The following TERF1 variants were observed in gnomAD, a reference collection of about 807,000 sequenced individuals.
The protein encoded by TERF1 is telomeric repeat-binding factor 1.
A neutral mutation model predicts 55.1 loss-of-function variants in TERF1; 20 were observed. The observed-to-expected ratio is 0.36, with a 90% CI of 0.26 to 0.53. The LOEUF (loss-of-function observed/expected upper bound fraction) is 0.53. TERF1 is among the 20% of genes least tolerant of loss of function. TERF1 has a pLI of 0.91. For synonymous variants in TERF1, 168 were observed against 181.2 expected (o/e 0.93, Z 0.59); for missense variants, 439 against 535.7 (o/e 0.82, Z 1.78).
intron 5 of TERF1, among the ~76,000 whole-genome samples, chr8:73,025,185 T>C (rs774042785): frequency 6.6e-6 from 1 of 151,892 alleles, no homozygotes; most frequent in African/African-American, 2.4e-5. Flanking sequence ...TTTGGGGAAA[T>C]TTTCAAAAGA....
chr8:73,013,845 C>G, intron 1 of TERF1, 50 bp from the exon 2 acceptor site: 1 of 1,200,148 alleles, frequency 8.3e-7, no homozygotes, highest in East Asian at 2.4e-5. Flanking sequence ...CACAGTGGCA[C>G]TACTGGATCA....
At chr8:73,037,302 A>G (rs887540265) in intron 8 of TERF1, among the ~76,000 whole-genome samples, 2 of 134,966 alleles carry the variant, frequency 1.5e-5, no homozygotes, top group African/African-American at 5.4e-5. Flanking sequence ...TATCTTATCT[A>G]CCTATCTACT....
intron 8 of TERF1, among the ~76,000 whole-genome samples, chr8:73,035,179 T>C (rs1809461453): frequency 6.6e-6 from 1 of 152,184 alleles, no homozygotes; most frequent in African/African-American, 2.4e-5. Context: ...TAATCAACTT[T>C]AGTCTGTTGA....
At chr8:73,030,573 C>G (rs1486006734) in intron 7 of TERF1, 178 bp downstream of exon 7, 1 of 434,850 alleles carries the variant, frequency 2.3e-6, no homozygotes, top group Non-Finnish European at 4.1e-6. Context: ...CTGTAGAGAC[C>G]TGCTCTGAGA....
At chr8:73,030,435 C>A (rs368465062) in intron 7 of TERF1, 40 bp downstream of exon 7, 26 of 1,343,868 alleles carry the variant, frequency 1.9e-5, no homozygotes, top group Non-Finnish European at 2.2e-5. Flanking sequence ...TCTTTCAAAT[C>A]TTTGATTGAA....
At chr8:73,017,100 C>A (rs1470533951) in intron 2 of TERF1, among the ~76,000 whole-genome samples, 1 of 152,118 alleles carries the variant, frequency 6.6e-6, no homozygotes, top group Admixed American at 6.6e-5. Flanking sequence ...AATGTCTATA[C>A]TGTAAATTTT....
intron 9 of TERF1, among the ~76,000 whole-genome samples, chr8:73,044,585 T>C (rs1809961630): frequency 6.6e-6 from 1 of 152,236 alleles, no homozygotes; most frequent in African/African-American, 2.4e-5. Flanking sequence ...TTTAACTATT[T>C]TTAAGTGTAC....
chr8:73,038,317 G>A (rs1016195147), intron 8 of TERF1, among the ~76,000 whole-genome samples: 3 of 151,926 alleles, frequency 2.0e-5, no homozygotes, highest in African/African-American at 7.3e-5. Context: ...AGTCGGGCAT[G>A]GCGGCCGGTG....
At chr8:73,025,754 C>CAA (rs35028162) in intron 5 of TERF1, among the ~76,000 whole-genome samples, 44 of 47,258 alleles carry the variant, frequency 9.3e-4, no homozygotes, top group South Asian at 8.1e-3. Flanking sequence ...GACTCTGTCT[C>CAA]AAAAAAAAAA....
At position 73,022,332 on chromosome 8, in the gene TERF1, T is replaced by C. The variant is rs1808799741; in HGVS notation, c.624+30T>C. ...TTATTTAAATTAAAACCATAGAATT[T>C]TAGAAGTGTTTATGTAGAGTGAGGA... On this transcript the variant is annotated intron_variant, in intron 4 of 9. Coordinates refer to ENST00000276603, the MANE Select transcript of TERF1 (RefSeq NM_017489.3). 2.9e-6 allele frequency: 4 copies of C among 1,394,748 alleles called. No homozygotes were observed. In the African/African-American group the frequency reaches 4.4e-5, roughly 15 times the overall value. The allele number at this position is 1,394,748 out of a possible 1,614,324, so 86.4% of individuals were successfully genotyped here.
intron 8 of TERF1, among the ~76,000 whole-genome samples, chr8:73,038,424 C>T (rs143871096): frequency 6.6e-6 from 1 of 151,886 alleles, no homozygotes; most frequent in East Asian, 1.9e-4. Flanking sequence ...TACCACTGCA[C>T]TTCAGCCTAG....
At chr8:73,017,675 G>A (rs987820002) in intron 2 of TERF1, among the ~76,000 whole-genome samples, 13 of 151,578 alleles carry the variant, frequency 8.6e-5, no homozygotes, top group Admixed American at 6.6e-5. Context: ...TTTAATCTCT[G>A]GGAGATGGGT....
intron 2 of TERF1, among the ~76,000 whole-genome samples, chr8:73,018,488 C>T (rs1422030335): frequency 1.3e-5 from 2 of 152,054 alleles, no homozygotes; most frequent in Admixed American, 6.5e-5. Flanking sequence ...CCAGCCTGGC[C>T]AACATGGCAA....
chr8:73,032,832 G>T (rs1383913662), intron 8 of TERF1, among the ~76,000 whole-genome samples: 1 of 151,524 alleles, frequency 6.6e-6, no homozygotes, highest in Non-Finnish European at 1.5e-5. Flanking sequence ...AATGTTTATT[G>T]ACCCCACAGT....
intron 8 of TERF1, among the ~76,000 whole-genome samples, chr8:73,034,934 A>G (rs1809448490): frequency 6.6e-6 from 1 of 152,222 alleles, no homozygotes; most frequent in African/African-American, 2.4e-5. Context: ...TTAATTGCTT[A>G]GATGGACTAC....
Position 73,047,882 on chromosome 8 carries a change from T to C in TERF1, c.*1745T>C, listed in dbSNP as rs145451107. On this transcript the variant is annotated 3_prime_UTR_variant, in exon 10 of 10. Coordinates refer to ENST00000276603, the MANE Select transcript of TERF1 (RefSeq NM_017489.3). ...TTAAGTCAACCTCATTCCAAACACC[T>C]GCTATAGATCATCAAATCTAAGTTG... is the stretch of plus-strand genomic sequence containing the variant. 6.6e-6 allele frequency: 1 copy of C among 152,342 alleles called. No homozygotes were observed. The highest frequency in any genetic ancestry group is 1.9e-4 in the East Asian group (1 of 5,170). The allele number at this position is 152,342 out of a possible 1,614,324, so 9.4% of individuals were successfully genotyped here.
chr8:73,022,152 A>T, intron 3 of TERF1, 64 bp from the exon 4 acceptor site: 1 of 982,322 alleles, frequency 1.0e-6, no homozygotes, highest in Non-Finnish European at 1.5e-6. Flanking sequence ...GAGTTATCTT[A>T]ATAATTAAAT....
chr8:73,037,141 ATATATTATAATATATAATAATT>A (rs1042494348), intron 8 of TERF1, among the ~76,000 whole-genome samples: 19 of 124,486 alleles, frequency 1.5e-4, no homozygotes, highest in Admixed American at 4.1e-4. Flanking sequence ...TTAATAATTT[ATATATTATAATATATAATAATT>A]TATATTATAA....
intron 1 of TERF1, 88 bp downstream of exon 1, chr8:73,009,293 G>C (rs1297979546): frequency 5.8e-6 from 2 of 343,720 alleles, no homozygotes; most frequent in Non-Finnish European, 8.6e-6. Flanking sequence ...TCCCTACGTC[G>C]CCGAGGGAGG....
Sources: gnomAD v4.1 joint callset for allele counts (sites outside exome capture counted in the v4.1 genomes callset) on GRCh38, gnomAD v4.1.1 for gene constraint, MANE v1.5 for transcripts, NCBI Gene and HGNC (gene_info 2026-07-23, HGNC 2026-07-21) for gene names.